CNKSR2: variants seen among roughly 807,000 people sequenced by gnomAD.
CNKSR2 encodes CNK homolog protein 2.
Under a neutral mutation model 84.4 loss-of-function variants are expected in CNKSR2, and 14 were observed. That is an observed-to-expected ratio of 0.17 (90% CI 0.11 to 0.26). The LOEUF is 0.26. Among genes scored for constraint, CNKSR2 ranks in the 10% least tolerant of loss-of-function variants. The pLI is 1.00. For synonymous variants in CNKSR2, 275 were observed against 277.9 expected, an observed-to-expected ratio of 0.99 and a Z score of 0.10; for missense variants, 485 against 771.2, an observed-to-expected ratio of 0.63 and a Z score of 4.40.
chrX:21,433,423 G>A (rs1410839975), intron 3 of CNKSR2, among the ~76,000 whole-genome samples: 1 of 111,380 alleles, frequency 9.0e-6, no homozygotes, highest in East Asian at 2.8e-4. Flanking sequence ...ATTATATACT[G>A]TATGTGGTTA....
intron 13 of CNKSR2, among the ~76,000 whole-genome samples, chrX:21,576,415 T>A (rs1311367204): frequency 2.7e-5 from 3 of 110,785 alleles, no homozygotes; most frequent in Non-Finnish European, 5.7e-5. Flanking sequence ...AATGCTTACA[T>A]GAGAAAAGAA....
intron 11 of CNKSR2, among the ~76,000 whole-genome samples, chrX:21,550,758 G>A (rs370478150): frequency 2.7e-5 from 3 of 111,252 alleles, no homozygotes; most frequent in South Asian, 7.7e-4. Flanking sequence ...TGAGTTTGCC[G>A]GGCACAGGGG....
chrX:21,640,564 A>G (rs776404222), intron 20 of CNKSR2, among the ~76,000 whole-genome samples: 76 of 111,811 alleles, frequency 6.8e-4, no homozygotes, highest in Non-Finnish European at 1.2e-3. Context: ...TCAGTGTTAT[A>G]GGCAAGATGT....
At position 21,415,831 on chromosome X, in the gene CNKSR2, TATAC is replaced by T. The variant is rs1249257793; in HGVS notation, c.65-10664_65-10661del. Among the ~76,000 whole-genome samples the T allele has an allele frequency of 9.3e-3, 487 of 52,369 alleles. 5 individuals are homozygous for T. The highest frequency in any genetic ancestry group is 0.031 in the African/African-American group (374 of 12,216). The allele number at this position is 52,369 out of a possible 115,157, so 45.5% of individuals were successfully genotyped here. On this transcript the variant is annotated intron_variant, in intron 1 of 21. Coordinates refer to ENST00000379510, the MANE Select transcript of CNKSR2 (RefSeq NM_014927.5). ...CATATATACAATACATATATACATA[TATAC>T]ACACACACACACACACACACACACA...
chrX:21,576,978 T>C (rs1196498881), intron 13 of CNKSR2, among the ~76,000 whole-genome samples: 1 of 111,761 alleles, frequency 8.9e-6, no homozygotes, highest in Non-Finnish European at 1.9e-5. Context: ...TGCGCTGCTT[T>C]TAAAGTGTTG....
intron 11 of CNKSR2, among the ~76,000 whole-genome samples, chrX:21,544,782 A>G (rs1417668423): frequency 9.0e-6 from 1 of 111,154 alleles, no homozygotes; most frequent in African/African-American, 3.3e-5. Context: ...TGGAAGCACA[A>G]GGGGTCGGGG....
chrX:21,617,644 T>C (rs1332881411), intron 20 of CNKSR2, among the ~76,000 whole-genome samples: 2 of 111,318 alleles, frequency 1.8e-5, no homozygotes, highest in African/African-American at 6.5e-5. Context: ...TAACTCAGTG[T>C]GAGTTAGGGA....
In CNKSR2 at chrX:21,575,271, C is replaced by T. The variant is rs999819059; in HGVS notation, c.1608+11819C>T. Among the ~76,000 whole-genome samples the T allele has an allele frequency of 9.0e-5, 10 of 111,098 alleles. 2 individuals carry two copies. The Admixed American group carries it at 9.6e-4, about 11-fold the overall frequency. On this transcript the variant is annotated intron_variant, in intron 13 of 21. Coordinates refer to ENST00000379510, the MANE Select transcript of CNKSR2 (RefSeq NM_014927.5). ...AAAAATTAGTTCACTTGTACTTCCTCACTTATTTATATAATTTGTTCTTTT... is the reference window on the plus strand; with the variant it reads ...AAAAATTAGTTCACTTGTACTTCCTTACTTATTTATATAATTTGTTCTTTT...
chrX:21,479,451 A>G (rs1299624563), intron 5 of CNKSR2, among the ~76,000 whole-genome samples: 1 of 111,645 alleles, frequency 9.0e-6, no homozygotes, highest in Non-Finnish European at 1.9e-5. Flanking sequence ...AGCTGGATCA[A>G]TGCTATATAT....
intron 20 of CNKSR2, among the ~76,000 whole-genome samples, chrX:21,648,276 T>C (rs769413409): frequency 8.9e-6 from 1 of 111,847 alleles, no homozygotes; most frequent in African/African-American, 3.2e-5. Flanking sequence ...TATGGCACAA[T>C]TGGAAGATTT....
intron 11 of CNKSR2, among the ~76,000 whole-genome samples, chrX:21,536,621 T>A (rs1292694602): frequency 2.7e-5 from 3 of 110,576 alleles, no homozygotes. Context: ...AGTCCAGGAA[T>A]TTATCATTTT....
chrX:21,413,130 C>T (rs1035976038), intron 1 of CNKSR2, among the ~76,000 whole-genome samples: 6 of 111,233 alleles, frequency 5.4e-5, no homozygotes, highest in African/African-American at 9.8e-5. Flanking sequence ...GACTGCATGA[C>T]GACTGCATGC....
Position 21,526,993 on chromosome X carries a change from A to G in CNKSR2, c.1084A>G (p.Ile362Val), listed in dbSNP as rs1173210591. 1.0e-5 allele frequency: 12 copies of G among 1,204,860 alleles called. No individual in the cohort carries two copies. Among genetic ancestry groups the G allele is most frequent in the Non-Finnish European group, 1.3e-5 (12 of 890,963 alleles). ...TCCCCCTCCTCCTGCAGAACCATAT[A>G]TTCCCAGGTATAAAACTATCACGTT... The part of the protein sequence containing the change: ...YIPPPPAEPY[I>V]PRDEKGNLPC... Residue 362 changes from isoleucine (I) to valine (V), a missense_variant, in exon 10 of 22, where the codon ATT becomes GTT. Around this residue, in one of 5 missense-constraint regions of CNKSR2, gnomAD observed 132 missense variants for 166.7 expected, o/e 0.79. Coordinates refer to ENST00000379510, the MANE Select transcript of CNKSR2 (RefSeq NM_014927.5).
chrX:21,624,541 A>G (rs1213657386), intron 20 of CNKSR2, among the ~76,000 whole-genome samples: 1 of 110,413 alleles, frequency 9.1e-6, no homozygotes, highest in Non-Finnish European at 1.9e-5. Flanking sequence ...ACGGAGTCTC[A>G]CTCTGTTGCC....
At chrX:21,381,300 C>A (rs2089895653) in intron 1 of CNKSR2, among the ~76,000 whole-genome samples, 1 of 111,741 alleles carries the variant, frequency 8.9e-6, no homozygotes, top group African/African-American at 3.3e-5. Context: ...CTGTATTCTC[C>A]AGACCTCCCA....
At chrX:21,440,665 T>A (rs1374532668) in intron 3 of CNKSR2, 29 bp from the exon 4 acceptor site, 1 of 923,026 alleles carries the variant, frequency 1.1e-6, no homozygotes, top group Non-Finnish European at 1.5e-6. Context: ...CTGTTACTAG[T>A]AATCACAATT....
chrX:21,374,804 C>T lies in CNKSR2; in HGVS notation c.-94C>T, dbSNP rs1002032597. On this transcript the variant is annotated 5_prime_UTR_variant, in exon 1 of 22. Transcript: ENST00000379510. ...CCGCGCCGCCCGCCCAGGGAGGCTG[C>T]GGCCAGCAAGGGACCCCACCTGAGA... 9.9e-5 allele frequency: 78 copies of T among 786,380 alleles called. No individual in the cohort carries two copies. The highest frequency in any genetic ancestry group is 2.0e-4 in the Admixed American group (9 of 44,215). The allele number at this position is 786,380 out of a possible 1,213,427, so 64.8% of individuals were successfully genotyped here.
chrX:21,444,800 T>C (rs1240543731), intron 4 of CNKSR2, among the ~76,000 whole-genome samples: 1 of 111,055 alleles, frequency 9.0e-6, no homozygotes, highest in Non-Finnish European at 1.9e-5. Context: ...ATTCAGAATG[T>C]TCTTTAGATT....
At chrX:21,483,517 C>T (rs1486594496) in intron 5 of CNKSR2, among the ~76,000 whole-genome samples, 1 of 107,110 alleles carries the variant, frequency 9.3e-6, no homozygotes, top group Non-Finnish European at 1.9e-5. Flanking sequence ...GTACAGCACA[C>T]GAACATGGCA....
Sources: gnomAD v4.1 joint callset for allele counts (sites outside exome capture counted in the v4.1 genomes callset) on GRCh38, gnomAD v4.1.1 for gene constraint, gnomAD v4.1.1 regional missense constraint, MANE v1.5 for transcripts, NCBI Gene and HGNC (gene_info 2026-07-23, HGNC 2026-07-21) for gene names.